TENM2: variants seen among roughly 807,000 people sequenced by gnomAD.
The protein encoded by TENM2 is teneurin transmembrane protein 2.
Under a neutral mutation model 245.2 loss-of-function variants are expected in TENM2, and 52 were observed. That is an observed-to-expected ratio of 0.21 (90% CI 0.17 to 0.27). TENM2 has a LOEUF of 0.27. TENM2 is among the 10% of genes least tolerant of loss of function. The probability of loss-of-function intolerance (pLI) is 1.00; values close to 1 mark genes in which losing one functional copy is unlikely to be tolerated. For missense variants in TENM2, 3,046 were observed against 3,666.8 expected, an observed-to-expected ratio of 0.83 and a Z score of 4.37; for synonymous variants, 1,363 against 1,438.9, an observed-to-expected ratio of 0.95 and a Z score of 1.19.
chr5:167,406,988 A>G (rs1402292307), intron 2 of TENM2, among the ~76,000 whole-genome samples: 2 of 152,302 alleles, frequency 1.3e-5, no homozygotes, highest in East Asian at 1.9e-4. Flanking sequence ...TTTGTTTACA[A>G]TGTTAACTAA....
chr5:167,852,892 G>A (rs1028780899), intron 2 of TENM2, among the ~76,000 whole-genome samples: 5 of 152,046 alleles, frequency 3.3e-5, no homozygotes, highest in East Asian at 1.9e-4. Context: ...GAAGAAAGTC[G>A]GAAGATGGAA....
chr5:167,530,785 C>T (rs1040869445), intron 2 of TENM2, among the ~76,000 whole-genome samples: 3 of 152,178 alleles, frequency 2.0e-5, no homozygotes, highest in Admixed American at 6.5e-5. Flanking sequence ...TTCCAGCAAG[C>T]GGACTTAGAT....
chr5:168,247,492 G>C lies in TENM2; in HGVS notation c.6553G>C (p.Val2185Leu). ...GGTGCAATATGACAGCATGGGCAGG[G>C]TGATCAAGAGGGAGCTAAAACTGGG... Residue 2185 changes from valine (V) to leucine (L), a missense_variant, in exon 27 of 29, where the codon GTG (valine) becomes CTG (leucine). Coordinates refer to ENST00000518659, the Ensembl canonical transcript of TENM2. This position sits in a 1 kb window ranked among gnomAD's most constrained non-coding sequence, Gnocchi z 7.8. 6.2e-7 allele frequency: 1 copy of C among 1,612,614 alleles called. No individual in the cohort carries two copies. Among genetic ancestry groups the C allele is most frequent in the African/African-American group, 1.3e-5 (1 of 75,026 alleles).
chr5:167,370,004 G>A (rs569502348), intron 1 of TENM2, among the ~76,000 whole-genome samples: 1 of 152,026 alleles, frequency 6.6e-6, no homozygotes, highest in Non-Finnish European at 1.5e-5. Context: ...AGAATTAGTG[G>A]GTCAAAGAAT....
chr5:167,004,860 C>A, the TENM2 span, among the ~76,000 whole-genome samples: 1 of 152,080 alleles, frequency 6.6e-6, no homozygotes, highest in Admixed American at 6.5e-5. Flanking sequence ...GGGAAGGAAG[C>A]CTGTCAGATG....
At chr5:167,712,364 C>T (rs952393012) in intron 2 of TENM2, among the ~76,000 whole-genome samples, 1 of 152,020 alleles carries the variant, frequency 6.6e-6, no homozygotes, top group African/African-American at 2.4e-5. Flanking sequence ...TCAATTTAAA[C>T]CAGATTTCAG....
In TENM2 at chr5:168,052,821, A is replaced by G. The variant is rs531867509; in HGVS notation, c.1309+5272A>G. Among the ~76,000 whole-genome samples the G allele has an allele frequency of 2.0e-5, 3 of 146,926 alleles. No individual in the cohort carries two copies. The East Asian group carries it at 5.8e-4, about 28-fold the overall frequency. ...GAGCACATTTCCTTCCTACCCTTTG[A>G]AAAAAAAAATTAGAATTTCCAGATG... On this transcript the variant is annotated intron_variant, in intron 6 of 28. Transcript: ENST00000518659.
At chr5:167,759,436 T>TGTAA (rs909801568) in intron 2 of TENM2, among the ~76,000 whole-genome samples, 2 of 152,166 alleles carry the variant, frequency 1.3e-5, no homozygotes, top group Non-Finnish European at 2.9e-5. Flanking sequence ...ACTCTGATTT[T>TGTAA]GTAAGTGGAA....
rs114235559 is a variant in TENM2 at position 167,743,770 on chromosome 5, C to G, written c.503-132216C>G. 6.6e-3 allele frequency among the ~76,000 whole-genome samples: 1,006 copies of G among 152,184 alleles called. 11 individuals carry two copies. Among genetic ancestry groups the G allele is most frequent in the African/African-American group, 0.023 (940 of 41,508 alleles). On this transcript the variant is annotated intron_variant, in intron 2 of 28. Coordinates refer to ENST00000518659, the Ensembl canonical transcript of TENM2. ...GTTCGATTGGAGAGAAATAGAGAAA[C>G]CTTTGCTATTAAAAAGAAAAAGAAA...
the TENM2 span, among the ~76,000 whole-genome samples, chr5:167,263,725 A>G: frequency 6.6e-6 from 1 of 151,714 alleles, no homozygotes; most frequent in Non-Finnish European, 1.5e-5. Context: ...TCAGGCAAAA[A>G]GTTAAAAAAA....
chr5:167,960,857 T>C (rs1302276768), intron 4 of TENM2, among the ~76,000 whole-genome samples: 1 of 152,210 alleles, frequency 6.6e-6, no homozygotes, highest in African/African-American at 2.4e-5. Flanking sequence ...TCCTGGTCTG[T>C]GGGTTGTTAA....
chr5:167,682,694 G>A (rs962130297), intron 2 of TENM2, among the ~76,000 whole-genome samples: 7 of 152,084 alleles, frequency 4.6e-5, no homozygotes, highest in African/African-American at 1.7e-4. Context: ...TGTAATGCTC[G>A]CTCACCTGCC....
chr5:167,477,788 TGATAGACA>T (rs749930733), intron 2 of TENM2, among the ~76,000 whole-genome samples: 24 of 151,614 alleles, frequency 1.6e-4, no homozygotes, highest in Middle Eastern at 3.4e-3. Context: ...GATGGATAGA[TGATAGACA>T]GATAGACAGA....
At chr5:167,347,613 T>C (rs1339148034) in intron 1 of TENM2, among the ~76,000 whole-genome samples, 1 of 152,012 alleles carries the variant, frequency 6.6e-6, no homozygotes, top group Non-Finnish European at 1.5e-5. Context: ...AATGGTAAAA[T>C]AATTTCTCAC....
intron 2 of TENM2, among the ~76,000 whole-genome samples, chr5:167,419,708 A>G (rs1212115915): frequency 6.6e-6 from 1 of 152,164 alleles, no homozygotes; most frequent in Non-Finnish European, 1.5e-5. Context: ...TTCTGGATTT[A>G]CTCATCACTT....
chr5:167,152,801 A>G, the TENM2 span, among the ~76,000 whole-genome samples: 3 of 152,192 alleles, frequency 2.0e-5, no homozygotes, highest in Admixed American at 6.5e-5. Context: ...AGAGCAGGAC[A>G]GCAGGAGATT....
intron 2 of TENM2, among the ~76,000 whole-genome samples, chr5:167,776,614 A>C (rs1403605720): frequency 7.0e-5 from 7 of 99,986 alleles, no homozygotes; most frequent in East Asian, 5.5e-4. Flanking sequence ...AAAAAAAAAA[A>C]AAAAAAAAAA....
chr5:168,012,395 C>T (rs372409994), intron 5 of TENM2, among the ~76,000 whole-genome samples: 29 of 152,026 alleles, frequency 1.9e-4, no homozygotes, highest in East Asian at 1.2e-3. Flanking sequence ...GTAATCGCTG[C>T]GCTTTGGGAG....
rs561947097 is a variant in TENM2 at position 168,183,403 on chromosome 5, A to G, written c.2570-6934A>G. On this transcript the variant is annotated intron_variant, in intron 13 of 28. Transcript: ENST00000518659. ...AGCACAAAAAAAAAAATGCCCTTTG[A>G]CTGGGGTGCTGCATACCTTAGGCAT... is the stretch of plus-strand genomic sequence containing the variant. 4.7e-4 allele frequency among the ~76,000 whole-genome samples: 71 copies of G among 152,020 alleles called. 2 individuals carry two copies. The highest frequency in any genetic ancestry group is 1.6e-3 in the African/African-American group (67 of 41,472).
Sources: allele counts gnomAD v4.1 joint callset (sites outside exome capture counted in the v4.1 genomes callset), GRCh38; gene constraint gnomAD v4.1.1; non-coding constraint Gnocchi (gnomAD v3.1); transcripts MANE v1.5; gene names NCBI Gene and HGNC (gene_info 2026-07-23, HGNC 2026-07-21).